DLGAP1: variants seen among roughly 807,000 people sequenced by gnomAD.
The protein encoded by DLGAP1 is DLG associated protein 1.
Under a neutral mutation model 90.8 loss-of-function variants are expected in DLGAP1, and 11 were observed. The observed-to-expected ratio is 0.12, with a 90% CI of 0.08 to 0.20. DLGAP1 has a LOEUF of 0.20. Among genes scored for constraint, DLGAP1 ranks in the 10% least tolerant of loss-of-function variants. DLGAP1 has a pLI of 1.00. For missense variants in DLGAP1, 1,050 were observed against 1,333.8 expected, an observed-to-expected ratio of 0.79 and a Z score of 3.31; for synonymous variants, 558 against 540.7, an observed-to-expected ratio of 1.03 and a Z score of -0.44.
chr18:3,807,152 C>T (rs893713759), intron 5 of DLGAP1, among the ~76,000 whole-genome samples: 3 of 152,162 alleles, frequency 2.0e-5, no homozygotes, highest in African/African-American at 4.8e-5. Context: ...TTTACACTTG[C>T]GACTCAGAAC....
At chr18:4,234,708 C>T (rs959751818) in intron 1 of DLGAP1, among the ~76,000 whole-genome samples, 14 of 152,098 alleles carry the variant, frequency 9.2e-5, no homozygotes, top group Non-Finnish European at 2.1e-4. Flanking sequence ...AATTTAGTGC[C>T]ACTCAGATAA....
intron 2 of DLGAP1, among the ~76,000 whole-genome samples, chr18:4,081,447 C>T (rs2075607142): frequency 6.6e-6 from 1 of 151,962 alleles, no homozygotes; most frequent in South Asian, 2.1e-4. Context: ...AGTGTGCCTC[C>T]TGTTGGGGCT....
At chr18:3,882,955 CAT>C (rs1326452617) in intron 3 of DLGAP1, among the ~76,000 whole-genome samples, 2 of 152,118 alleles carry the variant, frequency 1.3e-5, no homozygotes, top group Non-Finnish European at 2.9e-5. Context: ...AGAAACAAAA[CAT>C]ATAGTGCTGG....
intron 10 of DLGAP1, among the ~76,000 whole-genome samples, chr18:3,515,402 G>A (rs1192999207): frequency 1.1e-4 from 8 of 70,968 alleles, no homozygotes; most frequent in African/African-American, 3.2e-4. Context: ...CCCAGGAGGC[G>A]GAGCTTGAGT....
In DLGAP1 at chr18:3,879,975, A is replaced by C; in HGVS notation, c.94T>G (p.Tyr32Asp). The C allele has an allele frequency of 6.2e-7, 1 of 1,612,568 alleles. No individual in the cohort carries two copies. Among genetic ancestry groups the C allele is most frequent in the Non-Finnish European group, 8.5e-7 (1 of 1,179,976 alleles). ...SLSHHSDRKP[Y>D]LLSPVEHHPA... The stretch of plus-strand genomic sequence containing the variant: ...TGGTGCTCCACTGGGCTCAGCAGGT[A>C]GGGCTTGCGGTCGGAGTGGTGCGAC... The change falls in exon 4 of 13, where the codon TAC becomes GAC. Residue 32 changes from tyrosine to aspartate, a missense_variant. By Grantham distance (160) the Tyr-to-Asp change is radical. This residue lies in a region of DLGAP1 where 485 missense variants were observed against 454.1 expected (regional missense o/e 1.07). Transcript: ENST00000315677. The surrounding 1 kb of genome is among the most constrained non-coding windows in gnomAD (Gnocchi z 6.6).
chr18:4,313,680 T>A (rs1439730596), intron 1 of DLGAP1, among the ~76,000 whole-genome samples: 1 of 152,074 alleles, frequency 6.6e-6, no homozygotes, highest in African/African-American at 2.4e-5. Context: ...CCCCTGGACA[T>A]CCTCTGAACA....
rs2079362037 is a variant in DLGAP1 at position 4,274,385 on chromosome 18, ATTTCT to A, written c.-266-123103_-266-123099del. Among the ~76,000 whole-genome samples, 3 of 152,074 alleles carry A rather than the reference ATTTCT, an allele frequency of 2.0e-5. No individual in the cohort carries two copies. The South Asian group carries it at 6.2e-4, about 32-fold the overall frequency. ...TTGGTCAGAAAATGTACTTTGTATT[ATTTCT>A]TTTCTTTTAAAGTTGTTGAGGTTTG... On this transcript the variant is annotated intron_variant, in intron 1 of 12. Coordinates refer to ENST00000315677, the MANE Select transcript of DLGAP1 (RefSeq NM_004746.4).
At chr18:3,650,580 A>C (rs985267415) in intron 7 of DLGAP1, among the ~76,000 whole-genome samples, 9 of 152,188 alleles carry the variant, frequency 5.9e-5, no homozygotes, top group Admixed American at 6.6e-5. Context: ...CATTTTTATA[A>C]ACAGGATGTC....
chr18:3,770,288 CAGG>C (rs1353292517), intron 5 of DLGAP1, among the ~76,000 whole-genome samples: 1 of 152,200 alleles, frequency 6.6e-6, no homozygotes, highest in East Asian at 1.9e-4. Context: ...AGAAGGCAGG[CAGG>C]AGAAGGGAGG....
At chr18:3,778,563 G>T (rs2065038520) in intron 5 of DLGAP1, among the ~76,000 whole-genome samples, 1 of 152,134 alleles carries the variant, frequency 6.6e-6, no homozygotes, top group Non-Finnish European at 1.5e-5. Context: ...GTATAGGCAG[G>T]TTTTTCAGGG....
chr18:4,038,739 T>C (rs2074928734), intron 2 of DLGAP1, among the ~76,000 whole-genome samples: 1 of 152,176 alleles, frequency 6.6e-6, no homozygotes, highest in Non-Finnish European at 1.5e-5. Context: ...CTTTTTGCCA[T>C]CCTGCCTCTG....
chr18:4,174,491 C>T (rs4797151), intron 1 of DLGAP1, among the ~76,000 whole-genome samples: 4,347 of 151,952 alleles, frequency 0.029, 219 homozygotes, highest in African/African-American at 0.099. Context: ...CCCACCACCA[C>T]GCCCGGCTAA....
intron 1 of DLGAP1, among the ~76,000 whole-genome samples, chr18:4,364,415 A>G (rs1347519523): frequency 6.6e-6 from 1 of 152,078 alleles, no homozygotes; most frequent in Non-Finnish European, 1.5e-5. Flanking sequence ...ATAATAATAA[A>G]GTAATAAAAA....
intron 2 of DLGAP1, among the ~76,000 whole-genome samples, chr18:4,095,926 C>T (rs76319159): frequency 0.028 from 4,229 of 152,032 alleles, 101 homozygotes; most frequent in Middle Eastern, 0.058. Context: ...AAACCTGAAT[C>T]GATCAGCAGA....
At chr18:3,793,172 G>A (rs1024696995) in intron 5 of DLGAP1, among the ~76,000 whole-genome samples, 1 of 152,136 alleles carries the variant, frequency 6.6e-6, no homozygotes, top group Non-Finnish European at 1.5e-5. Context: ...AGCACACCAC[G>A]GTTCCATATG....
intron 1 of DLGAP1, among the ~76,000 whole-genome samples, chr18:4,401,202 T>C (rs1312163743): frequency 2.0e-5 from 3 of 152,174 alleles, no homozygotes; most frequent in Non-Finnish European, 4.4e-5. Context: ...CAATTCCTAT[T>C]ATAGCTCACA....
At chr18:3,637,361 A>T (rs1310149120) in intron 7 of DLGAP1, among the ~76,000 whole-genome samples, 10 of 152,004 alleles carry the variant, frequency 6.6e-5, no homozygotes, top group Non-Finnish European at 2.9e-5. Context: ...TTCTAGAAAC[A>T]CGTTTAGTTT....
chr18:3,785,660 T>C (rs887472014), intron 5 of DLGAP1, among the ~76,000 whole-genome samples: 4 of 152,176 alleles, frequency 2.6e-5, no homozygotes, highest in African/African-American at 9.7e-5. Context: ...TATTGTCTTG[T>C]GAAAAGGTCT....
intron 4 of DLGAP1, among the ~76,000 whole-genome samples, chr18:3,818,363 T>C (rs1442109527): frequency 2.8e-5 from 4 of 141,012 alleles, no homozygotes; most frequent in African/African-American, 1.1e-4. Context: ...TTTTTTTTTT[T>C]TTTTTTTTTT....
Sources: gnomAD v4.1 joint callset for allele counts (sites outside exome capture counted in the v4.1 genomes callset) on GRCh38, gnomAD v4.1.1 for gene constraint, gnomAD v4.1.1 regional missense constraint, Gnocchi (gnomAD v3.1) non-coding constraint, MANE v1.5 for transcripts, NCBI Gene and HGNC (gene_info 2026-07-23, HGNC 2026-07-21) for gene names.